FCHO2: variants seen among roughly 807,000 people sequenced by gnomAD.
The protein encoded by FCHO2 is F-BAR domain only protein 2.
FCHO2 carries 43 observed loss-of-function variants against 114.1 expected under a neutral mutation model. The ratio of observed to expected loss-of-function variants is 0.38; its 90% CI spans 0.30 to 0.49. The LOEUF is 0.49. Ranked by LOEUF, FCHO2 falls within the 20% of genes least tolerant of loss-of-function variation. FCHO2 has a pLI of 0.97. For synonymous variants in FCHO2, 293 were observed against 315.2 expected (o/e 0.93, Z 0.75); for missense variants, 807 against 950.4 (o/e 0.85, Z 1.98).
intron 11 of FCHO2, among the ~76,000 whole-genome samples, chr5:73,046,967 A>C (rs952645469): frequency 6.6e-6 from 1 of 152,218 alleles, no homozygotes; most frequent in Non-Finnish European, 1.5e-5. Flanking sequence ...GCTGAGCTTT[A>C]GAAAGTGATT....
intron 1 of FCHO2, among the ~76,000 whole-genome samples, chr5:72,968,219 C>G (rs574752283): frequency 6.6e-6 from 1 of 152,252 alleles, no homozygotes; most frequent in South Asian, 2.1e-4. Context: ...CCACCACACC[C>G]GGTCACAACT....
intron 22 of FCHO2, among the ~76,000 whole-genome samples, chr5:73,079,140 C>T (rs1044136873): frequency 1.3e-5 from 2 of 152,116 alleles, no homozygotes; most frequent in African/African-American, 2.4e-5. Flanking sequence ...CATTCTCTTG[C>T]TCAGAATGGA....
At chr5:73,061,022 C>A (rs1351242824) in intron 17 of FCHO2, among the ~76,000 whole-genome samples, 89 of 139,540 alleles carry the variant, frequency 6.4e-4, no homozygotes, top group Non-Finnish European at 1.1e-3. Flanking sequence ...AAAAAAAAAA[C>A]CGCTTAAAAT....
At chr5:72,994,754 C>T (rs1753990913) in intron 5 of FCHO2, among the ~76,000 whole-genome samples, 1 of 152,138 alleles carries the variant, frequency 6.6e-6, no homozygotes, top group Non-Finnish European at 1.5e-5. Context: ...AAATGTGGTA[C>T]ATATTCATTG....
In FCHO2 at chr5:72,997,709, G is replaced by A. The variant is rs1177247692; in HGVS notation, c.495+6845G>A. On this transcript the variant is annotated intron_variant, in intron 5 of 25. Transcript: ENST00000430046. ...AGGGAGGGCGAGCCCTTGGGATACC[G>A]TTTGATGCCCTGTCCAATGTGAGGA... is the stretch of plus-strand genomic sequence containing the variant. The A allele has an allele frequency of 1.1e-5, 16 of 1,518,156 alleles. 1 individual carries two copies. The South Asian group carries it at 1.5e-4, about 15-fold the overall frequency. 94.0% of individuals were successfully genotyped at this position (1,518,156 alleles called of 1,614,324 possible). A position where few individuals can be genotyped will look rare whatever the true frequency, so the allele number is the denominator to read the frequency against.
intron 6 of FCHO2, among the ~76,000 whole-genome samples, chr5:73,012,153 T>A (rs1157817946): frequency 1.3e-5 from 2 of 152,232 alleles, no homozygotes; most frequent in African/African-American, 4.8e-5. Flanking sequence ...GTAGGTTTGT[T>A]TGTATCAGCA....
intron 20 of FCHO2, among the ~76,000 whole-genome samples, chr5:73,075,361 C>A: frequency 6.6e-6 from 1 of 151,962 alleles, no homozygotes; most frequent in East Asian, 1.9e-4. Context: ...GAAAGTATTC[C>A]AGGAAGAGGG....
chr5:72,958,487 C>A (rs1312898640), intron 1 of FCHO2, among the ~76,000 whole-genome samples: 1 of 152,128 alleles, frequency 6.6e-6, no homozygotes, highest in East Asian at 1.9e-4. Context: ...ATCAATCGAC[C>A]AGAAATGTAT....
At chr5:73,074,116 T>C (rs1249254283) in intron 19 of FCHO2, among the ~76,000 whole-genome samples, 1 of 151,878 alleles carries the variant, frequency 6.6e-6, no homozygotes, top group Admixed American at 6.6e-5. Flanking sequence ...AATTTTGCTC[T>C]GTAGACACTG....
intron 2 of FCHO2, among the ~76,000 whole-genome samples, chr5:72,985,471 A>G (rs1580050836): frequency 6.6e-6 from 1 of 152,236 alleles, no homozygotes; most frequent in Non-Finnish European, 1.5e-5. Flanking sequence ...TCTATTCAGT[A>G]TTTTGGAAAG....
chr5:73,087,478 T>C (rs1366270388), intron 24 of FCHO2, 111 bp from the exon 25 acceptor site: 1 of 1,203,894 alleles, frequency 8.3e-7, no homozygotes, highest in Non-Finnish European at 1.2e-6. Context: ...ACTGTGCACA[T>C]CTAATGAATG....
intron 2 of FCHO2, among the ~76,000 whole-genome samples, chr5:72,971,509 G>T (rs2112612172): frequency 6.6e-6 from 1 of 152,352 alleles, no homozygotes; most frequent in South Asian, 2.1e-4. Flanking sequence ...CTTTTGAGAA[G>T]TATCTGTTCA....
At chr5:72,973,606 A>T (rs1752692589) in intron 2 of FCHO2, among the ~76,000 whole-genome samples, 1 of 149,852 alleles carries the variant, frequency 6.7e-6, no homozygotes, top group Non-Finnish European at 1.5e-5. Context: ...TTTCTTTATT[A>T]GTCTTGCTAG....
intron 8 of FCHO2, among the ~76,000 whole-genome samples, chr5:73,026,247 A>G (rs930980087): frequency 6.6e-6 from 1 of 152,166 alleles, no homozygotes; most frequent in African/African-American, 2.4e-5. Context: ...GATCACCTGG[A>G]ACACCTGAGG....
rs1318041175 is a variant in FCHO2, at chr5:73,041,312, A to T, written c.936A>T (p.Ser312=). The T allele has an allele frequency of 6.8e-7, 1 of 1,474,988 alleles. No homozygotes were observed. The highest frequency in any genetic ancestry group is 1.7e-4 in the Middle Eastern group (1 of 5,716). The allele number at this position is 1,474,988 out of a possible 1,614,324, so 91.4% of individuals were successfully genotyped here. The change falls in exon 11 of 26, where the codon TCA becomes TCT. Residue 312 remains serine, a synonymous_variant. Transcript: ENST00000430046. ...AESVECPDAD[S]LNIPDVDEEG... ...ATAGGGAATGTCCTGATGCAGATTCATTGGTAAGTAGATTTAACTTTGATA... is the reference window on the plus strand; with the variant it reads ...ATAGGGAATGTCCTGATGCAGATTCTTTGGTAAGTAGATTTAACTTTGATA...
Position 72,997,065 on chromosome 5 carries a change from C to T in FCHO2, c.495+6201C>T, listed in dbSNP as rs761682096. 8.7e-5 allele frequency: 113 copies of T among 1,296,416 alleles called. 1 individual carries two copies. Among genetic ancestry groups the T allele is most frequent in the Non-Finnish European group, 8.8e-5 (79 of 895,956 alleles). 80.3% of individuals were successfully genotyped at this position (1,296,416 alleles called of 1,614,324 possible). On this transcript the variant is annotated intron_variant, in intron 5 of 25. Coordinates refer to ENST00000430046, the MANE Select transcript of FCHO2 (RefSeq NM_138782.3). The stretch of plus-strand genomic sequence containing the variant: ...CGATATGATATCATCCCCTTATCTT[C>T]TTGTCCTGGAATCAGCTAGGTGAAG...
intron 3 of FCHO2, 96 bp from the exon 4 acceptor site, chr5:72,990,382 C>A: frequency 1.2e-6 from 1 of 864,730 alleles, no homozygotes; most frequent in Non-Finnish European, 1.7e-6. Flanking sequence ...ATAAAGTTGC[C>A]ATATATACCA....
chr5:73,085,809 TAAATAAATAAATAAATAAG>T lies in FCHO2; in HGVS notation c.2246-1777_2246-1759del, dbSNP rs1323920258. On this transcript the variant is annotated intron_variant, in intron 24 of 25. Transcript: ENST00000430046. Reference sequence around the variant, plus strand: ...ATAAATAAATAAATAAATAAATAAATAAATAAATAAATAAATAAGAATGCTGTAAAATAGGCTGGGCACG... The same window carrying T: ...ATAAATAAATAAATAAATAAATAAATAATGCTGTAAAATAGGCTGGGCACG... Among the ~76,000 whole-genome samples the T allele has an allele frequency of 6.0e-5, 7 of 117,546 alleles. No individual in the cohort carries two copies. In the South Asian group the frequency reaches 1.9e-3, roughly 32 times the overall value. 77.1% of individuals were successfully genotyped at this position (117,546 alleles called of 152,430 possible).
intron 20 of FCHO2, among the ~76,000 whole-genome samples, chr5:73,076,670 A>G (rs1247759896): frequency 1.3e-5 from 2 of 152,192 alleles, no homozygotes; most frequent in African/African-American, 2.4e-5. Context: ...ATAAAAAGTT[A>G]GGTAGATTTA....
Sources: allele counts gnomAD v4.1 joint callset (sites outside exome capture counted in the v4.1 genomes callset), GRCh38; gene constraint gnomAD v4.1.1; transcripts MANE v1.5; gene names NCBI Gene and HGNC (gene_info 2026-07-23, HGNC 2026-07-21).